TMEM51: variants seen among roughly 807,000 people sequenced by gnomAD.
TMEM51 encodes transmembrane protein 51.
Under a neutral mutation model 13.6 loss-of-function variants are expected in TMEM51, and 8 were observed. The ratio of observed to expected loss-of-function variants is 0.59; its 90% CI spans 0.35 to 1.07. The LOEUF (loss-of-function observed/expected upper bound fraction) is 1.07, where lower values mean the gene tolerates loss of function less well. Ranked by LOEUF, TMEM51 falls within the 50% of genes least tolerant of loss-of-function variation. The pLI is 0.02. For synonymous variants in TMEM51, 147 were observed against 144.4 expected (o/e 1.02, Z -0.13); for missense variants, 279 against 330.7 (o/e 0.84, Z 1.21).
chr1:15,191,814 T>C (rs1253008458), intron 1 of TMEM51: 1 of 415,478 alleles, frequency 2.4e-6, no homozygotes, highest in East Asian at 6.0e-5. Flanking sequence ...AGAGCTGATG[T>C]TACTCTAGTG....
intron 1 of TMEM51, among the ~76,000 whole-genome samples, chr1:15,174,850 T>A (rs10803363): frequency 0.58 from 88,628 of 151,902 alleles, 26,867 homozygotes; most frequent in East Asian, 0.92. Flanking sequence ...CTCTGGAGTC[T>A]CTTTTATAAG....
chr1:15,193,575 C>CTTTTTTTTTTTTTTTTTT (rs3078881), intron 1 of TMEM51, among the ~76,000 whole-genome samples: 12 of 114,658 alleles, frequency 1.0e-4, no homozygotes, highest in Non-Finnish European at 1.9e-4. Context: ...TTCTTTCTTT[C>CTTTTTTTTTTTTTTTTTT]TTTTTTTTTT....
intron 1 of TMEM51, among the ~76,000 whole-genome samples, chr1:15,179,421 G>T (rs1643544792): frequency 6.6e-6 from 1 of 152,146 alleles, no homozygotes; most frequent in South Asian, 2.1e-4. Flanking sequence ...AAAGGAAACG[G>T]GATACAGGCC....
At chr1:15,157,033 C>G (rs1642613766) in intron 1 of TMEM51, among the ~76,000 whole-genome samples, 1 of 152,202 alleles carries the variant, frequency 6.6e-6, no homozygotes, top group African/African-American at 2.4e-5. Context: ...ATGGCCACCC[C>G]TCCTGGGAGC....
In TMEM51 at chr1:15,215,346, G is replaced by T; in HGVS notation, c.259G>T (p.Asp87Tyr). The change falls in exon 3 of 4, where the codon GAT (aspartate) becomes TAT (tyrosine). Residue 87 changes from aspartate to tyrosine, a missense_variant. Coordinates refer to ENST00000376008, the MANE Select transcript of TMEM51 (RefSeq NM_001136218.2). ...LLLSICLSIR[D>Y]KRKQRQGEDL... ...GCTTTCTATCTGCCTGAGTATCAGG[G>T]ATAAGAGGAAGCAGCGGCAGGGCGA... The T allele has an allele frequency of 6.2e-7, 1 of 1,613,796 alleles. No homozygotes were observed. Among genetic ancestry groups the T allele is most frequent in the Non-Finnish European group, 8.5e-7 (1 of 1,180,052 alleles).
At chr1:15,214,166 G>C (rs1355004697) in intron 2 of TMEM51, among the ~76,000 whole-genome samples, 1 of 152,078 alleles carries the variant, frequency 6.6e-6, no homozygotes, top group Non-Finnish European at 1.5e-5. Context: ...TCCCTGCTGT[G>C]TGCCAGGCTT....
In TMEM51 at chr1:15,200,407, C is replaced by CAAAA. The variant is rs55755539; in HGVS notation, c.-266-10061_-266-10058dup. On this transcript the variant is annotated intron_variant, in intron 1 of 3. Coordinates refer to ENST00000376008, the MANE Select transcript of TMEM51 (RefSeq NM_001136218.2). The stretch of plus-strand genomic sequence containing the variant: ...TGGGCAACAGAGCGAGACTCTGTCT[C>CAAAA]AAAAAAAAAAAAAAAAAAAAAAAAA... Among the ~76,000 whole-genome samples, 98 of 67,870 alleles carry CAAAA rather than the reference C, an allele frequency of 1.4e-3. 1 individual carries two copies. Among genetic ancestry groups the CAAAA allele is most frequent in the Middle Eastern group, 0.013 (1 of 80 alleles). 44.5% of individuals were successfully genotyped at this position (67,870 alleles called of 152,430 possible). A position where few individuals can be genotyped will look rare whatever the true frequency, so the allele number is the denominator to read the frequency against.
intron 1 of TMEM51, among the ~76,000 whole-genome samples, chr1:15,205,634 C>T (rs10927720): frequency 0.21 from 31,533 of 152,150 alleles, 3,404 homozygotes; most frequent in Non-Finnish European, 0.22. Context: ...ACCCCTGCCT[C>T]GTACTCACTG....
intron 1 of TMEM51, chr1:15,171,052 C>A: frequency 1.3e-6 from 1 of 792,860 alleles, no homozygotes; most frequent in Non-Finnish European, 1.8e-6. Flanking sequence ...TTAGAATCCT[C>A]TGGGGTGGGG....
At chr1:15,217,637 G>T (rs919869263) in intron 3 of TMEM51, among the ~76,000 whole-genome samples, 1 of 152,174 alleles carries the variant, frequency 6.6e-6, no homozygotes, top group African/African-American at 2.4e-5. Flanking sequence ...GAGGAGAGGT[G>T]AGGGTATAGA....
chr1:15,199,326 G>T (rs909965793), intron 1 of TMEM51, among the ~76,000 whole-genome samples: 4 of 152,036 alleles, frequency 2.6e-5, no homozygotes, highest in African/African-American at 9.7e-5. Context: ...TAGAGATGGG[G>T]TCCCACCATG....
chr1:15,154,105 G>A (rs1642498761), intron 1 of TMEM51, among the ~76,000 whole-genome samples, 151 bp downstream of exon 1: 1 of 152,060 alleles, frequency 6.6e-6, no homozygotes, highest in African/African-American at 2.4e-5. Context: ...CGACCACCGG[G>A]AGGACTCCGC....
chr1:15,154,790 G>C (rs1388138719), intron 1 of TMEM51, among the ~76,000 whole-genome samples: 1 of 152,100 alleles, frequency 6.6e-6, no homozygotes, highest in Non-Finnish European at 1.5e-5. Context: ...GGTGTCCTGC[G>C]CAGCGCTCCG....
intron 1 of TMEM51, among the ~76,000 whole-genome samples, chr1:15,170,705 T>C (rs1307608893): frequency 1.3e-5 from 2 of 152,130 alleles, no homozygotes; most frequent in Non-Finnish European, 2.9e-5. Context: ...CCAGAACTAC[T>C]ACATCATCCC....
chr1:15,171,036 C>T (rs1643251404), intron 1 of TMEM51: 1 of 667,830 alleles, frequency 1.5e-6, no homozygotes, highest in African/African-American at 1.9e-5. Context: ...CCATCTTCAG[C>T]TTGTGTTAGA....
chr1:15,179,813 T>G (rs868293600), intron 1 of TMEM51, among the ~76,000 whole-genome samples: 30 of 152,024 alleles, frequency 2.0e-4, no homozygotes, highest in Admixed American at 6.6e-4. Flanking sequence ...CAAAACCTTC[T>G]AATATAAGCA....
intron 1 of TMEM51, among the ~76,000 whole-genome samples, chr1:15,165,062 A>G (rs1642945862): frequency 6.6e-6 from 1 of 152,120 alleles, no homozygotes; most frequent in African/African-American, 2.4e-5. Context: ...CGACCTCCCA[A>G]AGTGCTGGGA....
chr1:15,169,981 T>C (rs7539732), intron 1 of TMEM51, among the ~76,000 whole-genome samples: 33,156 of 152,178 alleles, frequency 0.22, 3,787 homozygotes, highest in East Asian at 0.32. Flanking sequence ...TGTATGACTT[T>C]GTATTAAAGT....
At chr1:15,191,611 A>C (rs1477879723) in intron 1 of TMEM51, among the ~76,000 whole-genome samples, 1 of 152,166 alleles carries the variant, frequency 6.6e-6, no homozygotes, top group Non-Finnish European at 1.5e-5. Context: ...CCAAAGCCTC[A>C]CTTTAATAAG....
Sources: allele counts gnomAD v4.1 joint callset (sites outside exome capture counted in the v4.1 genomes callset), GRCh38; gene constraint gnomAD v4.1.1; transcripts MANE v1.5; gene names NCBI Gene and HGNC (gene_info 2026-07-23, HGNC 2026-07-21).